Variants in TEX11 observed in about 807,000 individuals in gnomAD.
TEX11 encodes the protein testis expressed 11, also known as testis-expressed protein 11.
TEX11 carries 7 observed loss-of-function variants against 84.4 expected under a neutral mutation model. That is an observed-to-expected ratio of 0.08 (90% CI 0.05 to 0.16). TEX11 has a LOEUF of 0.16. Ranked by LOEUF, TEX11 falls within the 10% of genes least tolerant of loss-of-function variation. The pLI is 1.00. For missense variants in TEX11, 551 were observed against 660.5 expected, an observed-to-expected ratio of 0.83 and a Z score of 1.82; for synonymous variants, 264 against 222.8, an observed-to-expected ratio of 1.18 and a Z score of -1.64.
chrX:70,892,219 C>T (rs1477751785), intron 2 of TEX11, among the ~76,000 whole-genome samples: 1 of 111,556 alleles, frequency 9.0e-6, no homozygotes, highest in South Asian at 3.7e-4. Context: ...TTGTCACCAC[C>T]GGGCCTGCCT....
At chrX:70,740,052 A>AT (rs2090723427) in intron 11 of TEX11, among the ~76,000 whole-genome samples, 1 of 111,752 alleles carries the variant, frequency 8.9e-6, no homozygotes, top group African/African-American at 3.3e-5. Flanking sequence ...GTATTTTATC[A>AT]TTTACTTCTT....
At chrX:70,641,224 T>C (rs2089653129) in intron 17 of TEX11, among the ~76,000 whole-genome samples, 1 of 111,643 alleles carries the variant, frequency 9.0e-6, no homozygotes, top group Non-Finnish European at 1.9e-5. Flanking sequence ...CTAACTATCC[T>C]AAATATATAT....
In TEX11 at chrX:70,879,490, A is replaced by C. The variant is rs761656077; in HGVS notation, c.159+498T>G. Among the ~76,000 whole-genome samples the C allele has an allele frequency of 2.7e-5, 3 of 110,926 alleles. No homozygotes were observed. The East Asian group carries it at 8.5e-4, about 31-fold the overall frequency. On this transcript the variant is annotated intron_variant, in intron 3 of 29. Transcript: ENST00000374333. ...TGTTTCAAGCCTCAAGACAGCTTCC[A>C]TATTAAGTAAGTAACAGACCTTCAT...
the TEX11 span, among the ~76,000 whole-genome samples, chrX:70,522,263 G>C: frequency 8.9e-6 from 1 of 112,013 alleles, no homozygotes; most frequent in Non-Finnish European, 1.9e-5. Flanking sequence ...TCACTAAGGA[G>C]AAAGGGAAGA....
intron 17 of TEX11, among the ~76,000 whole-genome samples, chrX:70,641,409 C>T (rs1464750060): frequency 9.1e-6 from 1 of 110,488 alleles, no homozygotes; most frequent in African/African-American, 3.3e-5. Context: ...AGCTCTGCAC[C>T]AAGAGGACCT....
At chrX:70,614,859 C>T (rs767222711) in intron 20 of TEX11, among the ~76,000 whole-genome samples, 50 of 110,665 alleles carry the variant, frequency 4.5e-4, no homozygotes, top group African/African-American at 1.6e-3. Context: ...AGAGAGACTC[C>T]GTTTGTTTGG....
intron 9 of TEX11, among the ~76,000 whole-genome samples, chrX:70,792,330 A>ATATG (rs1246161690): frequency 2.5e-4 from 2 of 8,035 alleles, no homozygotes; most frequent in East Asian, 0.012. Flanking sequence ...ATATATATAT[A>ATATG]TATATATATA....
intron 2 of TEX11, among the ~76,000 whole-genome samples, chrX:70,884,140 A>G (rs1424470067): frequency 1.8e-5 from 2 of 112,803 alleles, no homozygotes; most frequent in South Asian, 3.6e-4. Context: ...TTAATCTTCA[A>G]TCTATTCTGT....
intron 17 of TEX11, among the ~76,000 whole-genome samples, chrX:70,639,235 G>A (rs190883595): frequency 1.8e-5 from 2 of 111,984 alleles, no homozygotes; most frequent in African/African-American, 6.5e-5. Context: ...AGCGCACCAC[G>A]AGATTATATC....
intron 17 of TEX11, among the ~76,000 whole-genome samples, chrX:70,637,678 G>A (rs1446511939): frequency 9.0e-6 from 1 of 111,055 alleles, no homozygotes; most frequent in Non-Finnish European, 1.9e-5. Flanking sequence ...ACCAAATACT[G>A]CATGTTCTCA....
chrX:70,812,021 T>C (rs991979919), intron 8 of TEX11, among the ~76,000 whole-genome samples: 4 of 111,573 alleles, frequency 3.6e-5, no homozygotes, highest in Admixed American at 2.9e-4. Flanking sequence ...GCAGAAGCTC[T>C]TTAGTTTAAT....
chrX:70,838,671 C>G (rs985033824), intron 7 of TEX11, among the ~76,000 whole-genome samples: 3 of 112,316 alleles, frequency 2.7e-5, no homozygotes, highest in Non-Finnish European at 5.6e-5. Context: ...GTGCGCAAGC[C>G]AAAGCAGGGC....
intron 13 of TEX11, among the ~76,000 whole-genome samples, chrX:70,715,202 C>G (rs1278082748): frequency 9.3e-6 from 1 of 107,977 alleles, no homozygotes; most frequent in African/African-American, 3.6e-5. Context: ...GCAACCCGAC[C>G]TTTCTCTCTG....
At chrX:70,637,448 T>C (rs945426644) in intron 17 of TEX11, among the ~76,000 whole-genome samples, 3 of 112,468 alleles carry the variant, frequency 2.7e-5, no homozygotes, top group Non-Finnish European at 5.6e-5. Flanking sequence ...CATTCTGTTA[T>C]AAAAATAATG....
chrX:70,841,071 T>C (rs1330121912), intron 7 of TEX11, among the ~76,000 whole-genome samples: 2 of 110,613 alleles, frequency 1.8e-5, no homozygotes, highest in Admixed American at 9.7e-5. Context: ...GACAGATCAA[T>C]AAGACAGAAA....
chrX:70,582,000 T>G (rs2088783038), intron 25 of TEX11, among the ~76,000 whole-genome samples: 1 of 111,819 alleles, frequency 8.9e-6, no homozygotes, highest in Non-Finnish European at 1.9e-5. Flanking sequence ...GTTTTCCGCA[T>G]GTATGTTGTA....
chrX:70,721,015 A>G (rs1190771613), intron 13 of TEX11, among the ~76,000 whole-genome samples: 1 of 110,546 alleles, frequency 9.0e-6, no homozygotes, highest in African/African-American at 3.3e-5. Flanking sequence ...GCTCCTTCCT[A>G]GCTATGCAAT....
intron 13 of TEX11, among the ~76,000 whole-genome samples, chrX:70,705,006 C>G (rs922715696): frequency 7.2e-5 from 8 of 111,485 alleles, no homozygotes; most frequent in African/African-American, 2.3e-4. Context: ...TTTCAGCTTT[C>G]TACATATGGC....
chrX:70,588,198 T>C (rs2088879344), intron 25 of TEX11, among the ~76,000 whole-genome samples: 1 of 111,922 alleles, frequency 8.9e-6, no homozygotes, highest in South Asian at 3.8e-4. Context: ...GGGGGACTGT[T>C]GGGAAGGCAT....
Sources: gnomAD v4.1 joint callset for allele counts (sites outside exome capture counted in the v4.1 genomes callset) on GRCh38, gnomAD v4.1.1 for gene constraint, MANE v1.5 for transcripts, NCBI Gene and HGNC (gene_info 2026-07-23, HGNC 2026-07-21) for gene names.